Variants in MINDY2 observed in about 807,000 individuals in gnomAD.
MINDY2 encodes the protein MINDY lysine 48 deubiquitinase 2, also known as ubiquitin carboxyl-terminal hydrolase MINDY-2.
In MINDY2, 52 loss-of-function variants were observed where a neutral mutation model predicts 68.2. The observed-to-expected ratio is 0.76, with a 90% CI of 0.61 to 0.96. The LOEUF (loss-of-function observed/expected upper bound fraction) is 0.96. Ranked by LOEUF, MINDY2 falls within the 40% of genes least tolerant of loss-of-function variation. The pLI is 0.00. For missense variants in MINDY2, 881 were observed against 773.4 expected (o/e 1.14, Z -1.65); for synonymous variants, 372 against 303.0 (o/e 1.23, Z -2.36).
chr15:58,793,026 C>A (rs1019168392), intron 2 of MINDY2, among the ~76,000 whole-genome samples: 11 of 151,870 alleles, frequency 7.2e-5, no homozygotes, highest in Non-Finnish European at 1.5e-4. Flanking sequence ...TTTAAAAAAA[C>A]CAGAATAGGC....
At chr15:58,832,233 T>A (rs1373746294) in intron 6 of MINDY2, among the ~76,000 whole-genome samples, 1 of 151,788 alleles carries the variant, frequency 6.6e-6, no homozygotes, top group Non-Finnish European at 1.5e-5. Context: ...GACTTCTTTT[T>A]TTTTTTTTTT....
intron 4 of MINDY2, among the ~76,000 whole-genome samples, chr15:58,818,636 G>A (rs2030855322): frequency 6.7e-6 from 1 of 149,260 alleles, no homozygotes; most frequent in Non-Finnish European, 1.5e-5. Context: ...AAATAGATTT[G>A]ATTTTTGTAT....
At chr15:58,805,175 A>G (rs937832778) in intron 3 of MINDY2, among the ~76,000 whole-genome samples, 2 of 152,238 alleles carry the variant, frequency 1.3e-5, no homozygotes. Context: ...TGCTTTTAAA[A>G]TAAACAATGA....
chr15:58,775,804 A>G (rs1203477518), intron 1 of MINDY2, among the ~76,000 whole-genome samples: 2 of 152,146 alleles, frequency 1.3e-5, no homozygotes, highest in Non-Finnish European at 2.9e-5. Context: ...GCATAAAAAT[A>G]TAAATGTTCG....
intron 1 of MINDY2, among the ~76,000 whole-genome samples, chr15:58,786,639 A>G (rs1298022129): frequency 1.3e-5 from 2 of 152,170 alleles, no homozygotes; most frequent in African/African-American, 4.8e-5. Context: ...CATAAAACAG[A>G]TATCCAGTTT....
intron 6 of MINDY2, among the ~76,000 whole-genome samples, chr15:58,844,048 A>T (rs1196913894): frequency 6.6e-6 from 1 of 152,118 alleles, no homozygotes; most frequent in Non-Finnish European, 1.5e-5. Flanking sequence ...TATTTTAAAA[A>T]CTGATGAAAT....
intron 1 of MINDY2, among the ~76,000 whole-genome samples, chr15:58,783,651 G>T (rs1232971132): frequency 6.6e-6 from 1 of 152,182 alleles, no homozygotes; most frequent in African/African-American, 2.4e-5. Flanking sequence ...ATTACAGAAT[G>T]GTCCGGGCAT....
intron 3 of MINDY2, among the ~76,000 whole-genome samples, chr15:58,809,053 A>T (rs548871511): frequency 6.6e-6 from 1 of 152,210 alleles, no homozygotes; most frequent in African/African-American, 2.4e-5. Flanking sequence ...TCTACAAAAT[A>T]TCAAAAACAT....
chr15:58,807,128 C>T (rs1035422672), intron 3 of MINDY2, among the ~76,000 whole-genome samples: 2 of 152,022 alleles, frequency 1.3e-5, no homozygotes, highest in Non-Finnish European at 2.9e-5. Flanking sequence ...TGTAAGATTT[C>T]CTTCATTTTC....
chr15:58,812,444 A>G (rs1256091310), intron 4 of MINDY2, among the ~76,000 whole-genome samples: 1 of 152,086 alleles, frequency 6.6e-6, no homozygotes. Flanking sequence ...CTCAAAAAAA[A>G]AAAAAAAGAA....
chr15:58,788,929 T>G (rs1901689108), intron 2 of MINDY2, among the ~76,000 whole-genome samples: 1 of 152,050 alleles, frequency 6.6e-6, no homozygotes, highest in African/African-American at 2.4e-5. Flanking sequence ...GGAGAATTGC[T>G]TGAACTCAAG....
intron 3 of MINDY2, among the ~76,000 whole-genome samples, chr15:58,805,453 T>C (rs1216460449): frequency 6.6e-6 from 1 of 152,228 alleles, no homozygotes; most frequent in Non-Finnish European, 1.5e-5. Context: ...AATAGTGTAC[T>C]GACAGCACAA....
At chr15:58,823,382 TAC>T (rs2141002810) in intron 5 of MINDY2, among the ~76,000 whole-genome samples, 1 of 152,064 alleles carries the variant, frequency 6.6e-6, no homozygotes. Flanking sequence ...CATATAAAGA[TAC>T]AGGGACAGGC....
chr15:58,841,219 G>A (rs1371397101), intron 6 of MINDY2, among the ~76,000 whole-genome samples: 2 of 151,764 alleles, frequency 1.3e-5, no homozygotes, highest in Non-Finnish European at 2.9e-5. Flanking sequence ...CTGACCTCAA[G>A]TGATCCACCC....
chr15:58,847,018 A>AC (rs1265878560), intron 6 of MINDY2, among the ~76,000 whole-genome samples: 39 of 151,874 alleles, frequency 2.6e-4, no homozygotes, highest in African/African-American at 8.7e-4. Flanking sequence ...GAGATTATAA[A>AC]CCCCCCCAAA....
chr15:58,827,665 C>T (rs750356584), intron 5 of MINDY2, among the ~76,000 whole-genome samples: 9 of 152,044 alleles, frequency 5.9e-5, no homozygotes, highest in African/African-American at 1.7e-4. Context: ...AGGGTTTCAC[C>T]GTGGTCTCGA....
At chr15:58,774,340 C>T (rs11630503) in intron 1 of MINDY2, among the ~76,000 whole-genome samples, 9,120 of 151,976 alleles carry the variant, frequency 0.06, 303 homozygotes, top group East Asian at 0.13. Context: ...AAAAATTAGA[C>T]GGGCATGGTG....
Position 58,854,865 on chromosome 15 carries a change from G to A in MINDY2, c.*255G>A. On this transcript the variant is annotated 3_prime_UTR_variant, in exon 9 of 9. Transcript: ENST00000559228. The stretch of plus-strand genomic sequence containing the variant: ...ATTCATGAAAAATACTGCACTTGTA[G>A]CCAGATTAGCAAATCACAGCAAATT... 1 of 263,596 alleles carries A rather than the reference G, an allele frequency of 3.8e-6. No homozygotes were observed. Among genetic ancestry groups the A allele is most frequent in the Non-Finnish European group, 7.3e-6 (1 of 137,312 alleles). 16.3% of individuals were successfully genotyped at this position (263,596 alleles called of 1,614,324 possible).
chr15:58,793,648 A>G (rs1262097939), intron 2 of MINDY2, among the ~76,000 whole-genome samples: 1 of 152,216 alleles, frequency 6.6e-6, no homozygotes, highest in Non-Finnish European at 1.5e-5. Context: ...AATACTTTAT[A>G]CAAATAGAAA....
Sources: gnomAD v4.1 joint callset for allele counts (sites outside exome capture counted in the v4.1 genomes callset) on GRCh38, gnomAD v4.1.1 for gene constraint, MANE v1.5 for transcripts, NCBI Gene and HGNC (gene_info 2026-07-23, HGNC 2026-07-21) for gene names.